DEFB107A: variants seen among roughly 807,000 people sequenced by gnomAD.
DEFB107A encodes the protein defensin beta 107A, also known as beta-defensin 107.
intron 1 of DEFB107A, among the ~76,000 whole-genome samples, chr8:7,815,247 C>CAAAA (rs1160791841): frequency 1.4e-4 from 1 of 7,078 alleles, no homozygotes; most frequent in African/African-American, 2.2e-4. Context: ...GACTCCGTCT[C>CAAAA]AAAAAAAAAA....
At chr8:7,812,646 GTTC>G (rs1817109290) in intron 1 of DEFB107A, among the ~76,000 whole-genome samples, 1 of 135,298 alleles carries the variant, frequency 7.4e-6, no homozygotes, top group South Asian at 2.8e-4. Context: ...AGAAGTAGCA[GTTC>G]TTCTCAAAAG....
At chr8:7,812,906 T>C (rs1238418126) in intron 1 of DEFB107A, among the ~76,000 whole-genome samples, 2 of 127,756 alleles carry the variant, frequency 1.6e-5, no homozygotes, top group African/African-American at 5.2e-5. Flanking sequence ...AACTGGACAA[T>C]CAGTTGAGAC....
chr8:7,812,734 T>G (rs1195733965), intron 1 of DEFB107A, among the ~76,000 whole-genome samples: 18 of 136,678 alleles, frequency 1.3e-4, no homozygotes, highest in African/African-American at 4.6e-4. Context: ...ATCTGAAATA[T>G]TATCATGTGG....
chr8:7,815,227 G>C (rs1358410264), intron 1 of DEFB107A, among the ~76,000 whole-genome samples: 1 of 70,108 alleles, frequency 1.4e-5, no homozygotes, highest in Non-Finnish European at 3.1e-5. Flanking sequence ...CAGCCTGGGC[G>C]ACAGCGCGAG....
At chr8:7,813,804 T>A (rs1225157750) in intron 1 of DEFB107A, among the ~76,000 whole-genome samples, 1 of 151,636 alleles carries the variant, frequency 6.6e-6, no homozygotes, top group Non-Finnish European at 1.5e-5. Context: ...GTAATTCAAA[T>A]ACATCTGAGA....
intron 1 of DEFB107A, among the ~76,000 whole-genome samples, chr8:7,814,985 T>G (rs1264782541): frequency 7.0e-5 from 3 of 43,068 alleles, no homozygotes; most frequent in African/African-American, 1.7e-4. Context: ...CGGTGGCTCA[T>G]GCCTGTAATC....
In DEFB107A at chr8:7,813,405, C is replaced by T. The variant is rs1306689454; in HGVS notation, c.71-1455G>A. ...ACCTTCAGCCCAAATCACAACATAA[C>T]TTGGTGAAAAAGAACCCTCTACCCG... is the stretch of plus-strand genomic sequence containing the variant. On this transcript the variant is annotated intron_variant, in intron 1 of 1. Coordinates refer to ENST00000335021, the MANE Select transcript of DEFB107A (RefSeq NM_001037668.1). 9.4e-5 allele frequency among the ~76,000 whole-genome samples: 14 copies of T among 148,286 alleles called. No homozygotes were observed. In the South Asian group the frequency reaches 3.2e-3, roughly 34 times the overall value.
At chr8:7,813,740 G>A (rs1284944600) in intron 1 of DEFB107A, among the ~76,000 whole-genome samples, 1 of 152,026 alleles carries the variant, frequency 6.6e-6, no homozygotes, top group Non-Finnish European at 1.5e-5. Context: ...GAGATTCTAT[G>A]TGATTATGGT....
intron 1 of DEFB107A, among the ~76,000 whole-genome samples, chr8:7,813,874 T>C (rs1585682291): frequency 1.3e-5 from 2 of 150,348 alleles, no homozygotes; most frequent in African/African-American, 2.5e-5. Context: ...CTGAATAAAT[T>C]GGAGTACTGA....
chr8:7,812,565 A>C (rs2128920865), intron 1 of DEFB107A, among the ~76,000 whole-genome samples: 1 of 134,214 alleles, frequency 7.5e-6, no homozygotes, highest in African/African-American at 2.5e-5. Context: ...ATTAGGTTGA[A>C]GAGGAAAAAA....
intron 1 of DEFB107A, among the ~76,000 whole-genome samples, chr8:7,812,172 G>GA (rs1310493420): frequency 1.0e-4 from 2 of 19,478 alleles, no homozygotes; most frequent in Admixed American, 1.7e-3. Flanking sequence ...TAGCCAATTG[G>GA]AAAAAAACAG....
chr8:7,813,012 A>G (rs1194402755), intron 1 of DEFB107A, among the ~76,000 whole-genome samples: 1 of 151,428 alleles, frequency 6.6e-6, no homozygotes, highest in Non-Finnish European at 1.5e-5. Context: ...AGAACAAAAA[A>G]ATAAGTAGAA....
At chr8:7,813,609 T>C (rs181895529) in intron 1 of DEFB107A, among the ~76,000 whole-genome samples, 483 of 151,826 alleles carry the variant, frequency 3.2e-3, no homozygotes, top group African/African-American at 0.011. Flanking sequence ...GAATGGAAAG[T>C]AAAACACAGG....
rs1447598442 is a variant in DEFB107A, at chr8:7,813,898, A to T, written c.70+1661T>A. ...TTGGAGTACTGATTAAAGTGGATGG[A>T]GAAGACAATTTTAAATGAGTTTATC... On this transcript the variant is annotated intron_variant, in intron 1 of 1. Transcript: ENST00000335021. 2.0e-5 allele frequency among the ~76,000 whole-genome samples: 3 copies of T among 149,168 alleles called. No individual in the cohort carries two copies. The Admixed American group carries it at 2.0e-4, about 10-fold the overall frequency.
chr8:7,813,430 G>A (rs1319645263), intron 1 of DEFB107A, among the ~76,000 whole-genome samples: 11 of 149,112 alleles, frequency 7.4e-5, no homozygotes, highest in South Asian at 4.5e-4. Flanking sequence ...CCCTCTACCC[G>A]CACCTAGTCA....
intron 1 of DEFB107A, among the ~76,000 whole-genome samples, chr8:7,812,388 G>A (rs2128920834): frequency 1.2e-5 from 1 of 83,542 alleles, no homozygotes; most frequent in Non-Finnish European, 2.8e-5. Flanking sequence ...TAGATCATAT[G>A]CCCTGGCATA....
chr8:7,814,157 C>G (rs1817162665), intron 1 of DEFB107A, among the ~76,000 whole-genome samples: 1 of 29,044 alleles, frequency 3.4e-5, no homozygotes, highest in African/African-American at 8.0e-5. Flanking sequence ...TCTATGACTT[C>G]TCTTTATAAT....
chr8:7,813,738 A>G (rs1397898834), intron 1 of DEFB107A, among the ~76,000 whole-genome samples: 2 of 152,026 alleles, frequency 1.3e-5, no homozygotes, highest in African/African-American at 2.4e-5. Flanking sequence ...CTGAGATTCT[A>G]TGTGATTATG....
intron 1 of DEFB107A, among the ~76,000 whole-genome samples, chr8:7,813,113 G>T (rs1817125990): frequency 8.4e-6 from 1 of 118,370 alleles, no homozygotes; most frequent in Non-Finnish European, 1.9e-5. Flanking sequence ...TTGTTAAACT[G>T]TCCCAAAGCA....
Sources: gnomAD v4.1 joint callset for allele counts (sites outside exome capture counted in the v4.1 genomes callset) on GRCh38, gnomAD v4.1.1 for gene constraint, MANE v1.5 for transcripts, NCBI Gene and HGNC (gene_info 2026-07-23, HGNC 2026-07-21) for gene names.